Variants in GLIS3 observed in about 807,000 individuals in gnomAD.
The protein encoded by GLIS3 is GLIS family zinc finger 3.
GLIS3 carries 53 observed loss-of-function variants against 78.6 expected under a neutral mutation model. The observed-to-expected ratio is 0.67, with a 90% CI of 0.54 to 0.85. GLIS3 has a LOEUF of 0.85. Ranked by LOEUF, GLIS3 falls within the 40% of genes least tolerant of loss-of-function variation. The pLI, the probability that GLIS3 is intolerant of heterozygous loss-of-function variation, is 0.00. For missense variants in GLIS3, 1,703 were observed against 1,231.1 expected (o/e 1.38, Z -5.74); for synonymous variants, 684 against 509.9 (o/e 1.34, Z -4.60).
chr9:4,301,978 G>A (rs1009951872), upstream of GLIS3, among the ~76,000 whole-genome samples: 2 of 151,194 alleles, frequency 1.3e-5, no homozygotes, highest in East Asian at 3.9e-4. Context: ...ATAGTGCTTT[G>A]GTTGAATTTT....
intron 2 of GLIS3, among the ~76,000 whole-genome samples, chr9:4,282,642 T>C (rs546311506): frequency 6.6e-6 from 1 of 152,256 alleles, no homozygotes; most frequent in Admixed American, 6.5e-5. Context: ...AATGAAACCA[T>C]TGGCTCTCCT....
At chr9:4,357,107 A>AAT in the GLIS3 span, among the ~76,000 whole-genome samples, 1 of 152,256 alleles carries the variant, frequency 6.6e-6, no homozygotes, top group Non-Finnish European at 1.5e-5. Context: ...TTGCATTTAA[A>AAT]AATGAGTGGA....
chr9:4,280,603 T>C (rs775386289), intron 2 of GLIS3, among the ~76,000 whole-genome samples: 1 of 152,124 alleles, frequency 6.6e-6, no homozygotes, highest in Non-Finnish European at 1.5e-5. Flanking sequence ...AAAGAATGAA[T>C]TGTATTTAAG....
chr9:4,279,324 T>TATACACACACACACACAC (rs1234969923), intron 2 of GLIS3, among the ~76,000 whole-genome samples: 1 of 84,926 alleles, frequency 1.2e-5, no homozygotes, highest in African/African-American at 4.7e-5. Flanking sequence ...AATATATATA[T>TATACACACACACACACAC]ACACACACAC....
At position 3,898,635 on chromosome 9, in the gene GLIS3, G is replaced by A. The variant is rs892881743; in HGVS notation, c.2128+56C>T. On this transcript the variant is annotated intron_variant, in intron 7 of 10. Transcript: ENST00000381971. ...CTCACGTGAGCATTCCTTTTAACCA[G>A]AGTAAAAGGCCTAAAAAAGGGTAGT... 28 of 1,607,934 alleles carry A rather than the reference G, an allele frequency of 1.7e-5. No individual in the cohort carries two copies. The African/African-American group carries it at 3.1e-4, about 18-fold the overall frequency.
intron 4 of GLIS3, among the ~76,000 whole-genome samples, chr9:4,083,718 A>T (rs1006899408): frequency 6.6e-6 from 1 of 152,224 alleles, no homozygotes; most frequent in African/African-American, 2.4e-5. Context: ...TGTTTTATAA[A>T]CCAAGCCAAA....
intron 4 of GLIS3, among the ~76,000 whole-genome samples, chr9:4,088,525 A>C (rs1459219549): frequency 6.6e-6 from 1 of 152,258 alleles, no homozygotes; most frequent in Non-Finnish European, 1.5e-5. Context: ...TCCTTAAACC[A>C]ACTTTGAAAG....
intron 2 of GLIS3, among the ~76,000 whole-genome samples, chr9:4,277,656 A>C (rs1388038250): frequency 1.3e-5 from 2 of 152,236 alleles, no homozygotes; most frequent in Non-Finnish European, 2.9e-5. Flanking sequence ...AGAGCCCAGC[A>C]AGAAATGTCA....
intron 4 of GLIS3, among the ~76,000 whole-genome samples, chr9:4,081,784 T>C (rs1246336181): frequency 6.6e-6 from 1 of 152,164 alleles, no homozygotes; most frequent in Non-Finnish European, 1.5e-5. Flanking sequence ...CTATCATAAA[T>C]TAGCCACCAT....
chr9:4,285,708 T>C (rs1203086156), intron 2 of GLIS3: 12 of 334,734 alleles, frequency 3.6e-5, no homozygotes, highest in Non-Finnish European at 6.2e-5. Flanking sequence ...CAGCGCTACC[T>C]GTATCCGGAG....
chr9:4,360,725 G>A, the GLIS3 span, among the ~76,000 whole-genome samples: 7,475 of 152,056 alleles, frequency 0.049, 605 homozygotes, highest in African/African-American at 0.17. Context: ...TCTTAAAATT[G>A]TGTTAGGCTG....
At chr9:4,202,869 G>A (rs554289699) in intron 2 of GLIS3, among the ~76,000 whole-genome samples, 1 of 152,296 alleles carries the variant, frequency 6.6e-6, no homozygotes, top group African/African-American at 2.4e-5. Flanking sequence ...AAGAATCCTA[G>A]AAGAAAAGCT....
At chr9:4,421,735 T>G in the GLIS3 span, among the ~76,000 whole-genome samples, 1 of 152,224 alleles carries the variant, frequency 6.6e-6, no homozygotes, top group African/African-American at 2.4e-5. Flanking sequence ...GAAAAGTCCC[T>G]TCCTTTCTTC....
At chr9:4,249,853 C>T (rs1303519617) in intron 2 of GLIS3, among the ~76,000 whole-genome samples, 1 of 152,142 alleles carries the variant, frequency 6.6e-6, no homozygotes, top group East Asian at 1.9e-4. Flanking sequence ...TATCGAAGGC[C>T]TTTTGTGCAT....
At chr9:4,292,113 G>A (rs1282486787) in intron 1 of GLIS3, among the ~76,000 whole-genome samples, 1 of 151,994 alleles carries the variant, frequency 6.6e-6, no homozygotes, top group Non-Finnish European at 1.5e-5. Flanking sequence ...CCATGCCTTG[G>A]GCCCACAGGC....
intron 6 of GLIS3, among the ~76,000 whole-genome samples, chr9:3,917,848 G>A (rs183184944): frequency 9.5e-4 from 145 of 152,022 alleles, no homozygotes; most frequent in African/African-American, 3.3e-3. Context: ...ACATATAATG[G>A]GAGTGAAGTG....
chr9:4,307,634 A>G (rs954503771), intron 4 of GLIS3, among the ~76,000 whole-genome samples: 3 of 152,184 alleles, frequency 2.0e-5, no homozygotes, highest in Non-Finnish European at 4.4e-5. Flanking sequence ...GGATGGCATT[A>G]AGGTTGCTAA....
intron 4 of GLIS3, among the ~76,000 whole-genome samples, chr9:4,070,549 AGAGAGAGATGCAGAGCAAGC>A (rs1200813823): frequency 6.6e-6 from 1 of 152,022 alleles, no homozygotes; most frequent in Non-Finnish European, 1.5e-5. Context: ...TGTGTGTGAG[AGAGAGAGATGCAGAGCAAGC>A]GAGAGAGAAA....
Position 4,259,908 on chromosome 9 carries a change from G to T in GLIS3, c.388+26130C>A, listed in dbSNP as rs575960609. ...AGAAAATGTGTTTTCAGGATTTAAA[G>T]GACCTACTTATGCTCTTAACTGCTG... On this transcript the variant is annotated intron_variant, in intron 2 of 10. Coordinates refer to ENST00000381971, the MANE Select transcript of GLIS3 (RefSeq NM_001042413.2). Among the ~76,000 whole-genome samples, 9 of 152,310 alleles carry T rather than the reference G, an allele frequency of 5.9e-5. No individual in the cohort carries two copies. In the East Asian group the frequency reaches 1.5e-3, roughly 26 times the overall value.
Sources: gnomAD v4.1 joint callset for allele counts (sites outside exome capture counted in the v4.1 genomes callset) on GRCh38, gnomAD v4.1.1 for gene constraint, MANE v1.5 for transcripts, NCBI Gene and HGNC (gene_info 2026-07-23, HGNC 2026-07-21) for gene names.